NR5A2: variants seen among roughly 807,000 people sequenced by gnomAD.
NR5A2 encodes the protein nuclear receptor subfamily 5 group A member 2, also known as CYP7A promoter-binding factor.
NR5A2 carries 26 observed loss-of-function variants against 62.7 expected under a neutral mutation model. The ratio of observed to expected loss-of-function variants is 0.41; its 90% CI spans 0.30 to 0.58. The LOEUF (loss-of-function observed/expected upper bound fraction) is 0.58, where lower values mean the gene tolerates loss of function less well. NR5A2 is among the 20% of genes least tolerant of loss of function. The probability of loss-of-function intolerance (pLI) is 0.22; values close to 1 mark genes in which losing one functional copy is unlikely to be tolerated. For missense variants in NR5A2, 541 were observed against 669.1 expected (o/e 0.81, Z 2.11); for synonymous variants, 246 against 241.7 (o/e 1.02, Z -0.16).
chr1:200,129,440 G>A (rs1041798735), intron 7 of NR5A2, among the ~76,000 whole-genome samples: 2 of 152,178 alleles, frequency 1.3e-5, no homozygotes, highest in Admixed American at 6.5e-5. Context: ...AGAAAACCAC[G>A]GCACTTCAAT....
chr1:200,120,964 T>C lies in NR5A2; in HGVS notation c.1378+9T>C, dbSNP rs779220944. The C allele has an allele frequency of 6.2e-6, 10 of 1,613,768 alleles. No homozygotes were observed. Among genetic ancestry groups the C allele is most frequent in the Middle Eastern group, 3.3e-4 (2 of 6,062 alleles). ...GGTGCTCTTTAGTTTAGGTAAGAAA[T>C]CCTTTTCTCATGCTGTGCTCAACCA... On this transcript the variant is annotated intron_variant, in intron 7 of 7. Transcript: ENST00000367362.
In NR5A2 at chr1:200,135,026, C is replaced by T. The variant is rs76658694; in HGVS notation, c.1378+14071C>T. Among the ~76,000 whole-genome samples the T allele has an allele frequency of 1.0e-2, 1,522 of 152,322 alleles. 28 individuals are homozygous for T. The highest frequency in any genetic ancestry group is 0.035 in the African/African-American group (1,450 of 41,572). On this transcript the variant is annotated intron_variant, in intron 7 of 7. Transcript: ENST00000367362. The stretch of plus-strand genomic sequence containing the variant: ...TTTACAAAGTACCCTATTCTTATAA[C>T]ATTATCCTTTACACATAACACAACA...
chr1:200,033,018 G>A (rs950054950), intron 1 of NR5A2, among the ~76,000 whole-genome samples: 1 of 152,156 alleles, frequency 6.6e-6, no homozygotes, highest in Admixed American at 6.5e-5. Context: ...AACCATATTT[G>A]GATCCTTCTA....
At chr1:200,032,659 G>A (rs1292971530) in intron 1 of NR5A2, among the ~76,000 whole-genome samples, 3 of 151,758 alleles carry the variant, frequency 2.0e-5, no homozygotes, top group Middle Eastern at 3.4e-3. Flanking sequence ...AAAGACAAAG[G>A]GGAACTGATA....
intron 5 of NR5A2, among the ~76,000 whole-genome samples, chr1:200,068,555 T>C (rs1663603719): frequency 1.3e-5 from 2 of 152,218 alleles, no homozygotes; most frequent in Admixed American, 6.5e-5. Context: ...CAGCAGAGAT[T>C]AATCCCAGCT....
intron 5 of NR5A2, among the ~76,000 whole-genome samples, chr1:200,097,645 G>T (rs1234265226): frequency 6.6e-6 from 1 of 152,176 alleles, no homozygotes; most frequent in Non-Finnish European, 1.5e-5. Context: ...TAAAGGAAAG[G>T]CTATCTAGAA....
At chr1:200,097,605 C>T (rs1665159100) in intron 5 of NR5A2, among the ~76,000 whole-genome samples, 1 of 152,062 alleles carries the variant, frequency 6.6e-6, no homozygotes. Flanking sequence ...AGATATAAAC[C>T]CAATAGTTGT....
intron 5 of NR5A2, among the ~76,000 whole-genome samples, chr1:200,092,082 GT>G (rs1231836734): frequency 6.6e-6 from 1 of 152,176 alleles, no homozygotes; most frequent in East Asian, 1.9e-4. Flanking sequence ...CTTGAGCACA[GT>G]TGTATCTCTC....
intron 5 of NR5A2, among the ~76,000 whole-genome samples, chr1:200,101,922 C>T (rs575425292): frequency 1.0e-3 from 153 of 152,256 alleles, no homozygotes; most frequent in African/African-American, 3.3e-3. Flanking sequence ...TAATTCTATG[C>T]AAAAGAAGCA....
intron 6 of NR5A2, among the ~76,000 whole-genome samples, chr1:200,119,896 A>G (rs1571510645): frequency 6.6e-6 from 1 of 151,108 alleles, no homozygotes; most frequent in African/African-American, 2.4e-5. Context: ...GGCATGAGCC[A>G]CCGTGCCCGG....
chr1:200,103,493 A>G (rs1665495081), intron 5 of NR5A2, among the ~76,000 whole-genome samples: 1 of 152,188 alleles, frequency 6.6e-6, no homozygotes, highest in Admixed American at 6.5e-5. Context: ...TAGAAGTAAC[A>G]AGTCATAAGA....
intron 6 of NR5A2, among the ~76,000 whole-genome samples, chr1:200,112,889 C>T (rs1385726479): frequency 6.6e-6 from 1 of 152,226 alleles, no homozygotes; most frequent in African/African-American, 2.4e-5. Context: ...ATTTCATTTC[C>T]TTCTGAGTTT....
chr1:200,068,761 T>C (rs1367965927), intron 5 of NR5A2, among the ~76,000 whole-genome samples: 1 of 152,198 alleles, frequency 6.6e-6, no homozygotes, highest in African/African-American at 2.4e-5. Flanking sequence ...GTAAATCTGC[T>C]TCCGATTTGC....
At chr1:200,129,374 G>A (rs79380307) in intron 7 of NR5A2, among the ~76,000 whole-genome samples, 2,330 of 151,722 alleles carry the variant, frequency 0.015, 59 homozygotes, top group African/African-American at 0.052. Context: ...TGTAGGAATA[G>A]CAAACATTCA....
At chr1:200,104,920 C>T (rs190936721) in intron 5 of NR5A2, among the ~76,000 whole-genome samples, 1 of 152,278 alleles carries the variant, frequency 6.6e-6, no homozygotes, top group Admixed American at 6.5e-5. Flanking sequence ...GCCTCGGCCT[C>T]CCAAAATGCT....
intron 5 of NR5A2, among the ~76,000 whole-genome samples, chr1:200,093,447 C>T (rs1029717151): frequency 2.0e-5 from 3 of 152,084 alleles, no homozygotes; most frequent in Non-Finnish European, 4.4e-5. Flanking sequence ...AACAAGCCAA[C>T]AAGCCAAATA....
intron 5 of NR5A2, among the ~76,000 whole-genome samples, chr1:200,099,872 A>G (rs1417318966): frequency 1.3e-5 from 2 of 152,152 alleles, no homozygotes; most frequent in East Asian, 1.9e-4. Flanking sequence ...GATTACAGGC[A>G]TGAGCCACCG....
At chr1:200,114,732 C>CTAT (rs912746356) in intron 6 of NR5A2, among the ~76,000 whole-genome samples, 4 of 152,150 alleles carry the variant, frequency 2.6e-5, no homozygotes, top group Non-Finnish European at 5.9e-5. Flanking sequence ...GAAGAAAGGA[C>CTAT]TATTATCCCT....
chr1:200,127,689 A>ATATATATATAT (rs1666768016), intron 7 of NR5A2, among the ~76,000 whole-genome samples: 1 of 61,400 alleles, frequency 1.6e-5, no homozygotes, highest in Non-Finnish European at 3.4e-5. Context: ...AAAAAAAAAA[A>ATATATATATAT]AAAAAAAAAA....
Sources: allele counts gnomAD v4.1 joint callset (sites outside exome capture counted in the v4.1 genomes callset), GRCh38; gene constraint gnomAD v4.1.1; transcripts MANE v1.5; gene names NCBI Gene and HGNC (gene_info 2026-07-23, HGNC 2026-07-21).